Variants in POLR1A observed in about 807,000 individuals in gnomAD.
POLR1A encodes RNA polymerase I subunit A.
Under a neutral mutation model 205.3 loss-of-function variants are expected in POLR1A, and 84 were observed. The observed-to-expected ratio is 0.41, with a 90% CI of 0.34 to 0.49. The LOEUF (loss-of-function observed/expected upper bound fraction) is 0.49. Ranked by LOEUF, POLR1A falls within the 20% of genes least tolerant of loss-of-function variation. POLR1A has a pLI of 0.22. For missense variants in POLR1A, 1,645 were observed against 2,204.5 expected (o/e 0.75, Z 5.08); for synonymous variants, 799 against 863.7 (o/e 0.93, Z 1.31).
chr2:86,098,134 T>C (rs973026704), intron 3 of POLR1A, among the ~76,000 whole-genome samples: 1 of 152,236 alleles, frequency 6.6e-6, no homozygotes, highest in Admixed American at 6.5e-5. Flanking sequence ...CAAAGTACCC[T>C]GTATCATGTA....
intron 30 of POLR1A, among the ~76,000 whole-genome samples, chr2:86,031,104 G>T (rs142454055): frequency 0.01 from 1,581 of 152,272 alleles, 30 homozygotes; most frequent in African/African-American, 0.036. Flanking sequence ...CGGGGCAGAG[G>T]GTTTATAGCC....
At chr2:86,064,641 C>T (rs1188107797) in intron 14 of POLR1A, among the ~76,000 whole-genome samples, 1 of 152,158 alleles carries the variant, frequency 6.6e-6, no homozygotes, top group Non-Finnish European at 1.5e-5. Flanking sequence ...ACATATGGAA[C>T]TTCCCAACAA....
intron 3 of POLR1A, among the ~76,000 whole-genome samples, chr2:86,093,979 C>T (rs1673656449): frequency 6.6e-6 from 1 of 152,146 alleles, no homozygotes; most frequent in African/African-American, 2.4e-5. Flanking sequence ...TAGAATATCC[C>T]TCGATTGCGG....
intron 30 of POLR1A, among the ~76,000 whole-genome samples, chr2:86,030,701 A>C (rs1672370236): frequency 6.6e-6 from 1 of 152,186 alleles, no homozygotes; most frequent in Non-Finnish European, 1.5e-5. Context: ...GGCAGGGTAC[A>C]CGTTGTTTCA....
chr2:86,049,258 G>T lies in POLR1A; in HGVS notation c.2393-16C>A. 6.2e-7 allele frequency: 1 copy of T among 1,604,852 alleles called. No individual in the cohort carries two copies. Among genetic ancestry groups the T allele is most frequent in the Non-Finnish European group, 8.5e-7 (1 of 1,171,710 alleles). On this transcript the variant is annotated splice_polypyrimidine_tract_variant and intron_variant, in intron 16 of 33. Coordinates refer to ENST00000263857, the MANE Select transcript of POLR1A (RefSeq NM_015425.6). ...TCTTCCACGCCTGTGAAGTGAAACA[G>T]ACAAGCTTGTAGGCGACCTCAGGCC...
Position 86,098,691 on chromosome 2 carries a change from G to A in POLR1A, c.352C>T (p.His118Tyr). 1 of 1,613,910 alleles carries A rather than the reference G, an allele frequency of 6.2e-7. No homozygotes were observed. The highest frequency in any genetic ancestry group is 8.5e-7 in the Non-Finnish European group (1 of 1,179,952). ...ACCCTCAGCTGGCAGAGTAAGAGGT[G>A]AATCACGGCCCGGGGACAAGTCAGC... Reference protein sequence around the residue: ...HMLTCPRAVIHLLLCQLRVLE... With the variant: ...HMLTCPRAVIYLLLCQLRVLE... The change falls in exon 3 of 34, where the codon CAC (histidine) becomes TAC (tyrosine). Residue 118 changes from histidine (H) to tyrosine (Y), a missense_variant. Around this residue, in one of 16 missense-constraint regions of POLR1A, gnomAD observed 330 missense variants for 375.6 expected, o/e 0.88. Coordinates refer to ENST00000263857, the MANE Select transcript of POLR1A (RefSeq NM_015425.6).
intron 33 of POLR1A, 32 bp downstream of exon 33, chr2:86,027,853 G>C (rs753780620): frequency 1.2e-6 from 2 of 1,612,522 alleles, no homozygotes; most frequent in Non-Finnish European, 1.7e-6. Context: ...CGTCAGTAGA[G>C]GGGAGGCCAG....
intron 3 of POLR1A, among the ~76,000 whole-genome samples, chr2:86,097,238 A>AAAAAAAAAAAAAC (rs1673721782): frequency 1.3e-5 from 2 of 148,736 alleles, no homozygotes; most frequent in Non-Finnish European, 1.5e-5. Context: ...AAAAAAAAAA[A>AAAAAAAAAAAAAC]AAAAGCAAAT....
chr2:86,069,193 C>T (rs1423305198), intron 13 of POLR1A, among the ~76,000 whole-genome samples: 2 of 152,240 alleles, frequency 1.3e-5, no homozygotes, highest in South Asian at 2.1e-4. Context: ...CTTGGTTTGA[C>T]GTTACGATTA....
chr2:86,090,467 A>C (rs1462989680), intron 3 of POLR1A, among the ~76,000 whole-genome samples: 1 of 152,152 alleles, frequency 6.6e-6, no homozygotes, highest in Non-Finnish European at 1.5e-5. Context: ...ACCAAACCTA[A>C]GACTGCAAAG....
In POLR1A at chr2:86,047,245, G is replaced by A; in HGVS notation, c.2653C>T (p.Leu885=). The stretch of plus-strand genomic sequence containing the variant: ...CTGTTCTCTGGGAACTGTCTGTGTA[G>A]GCCAAAAGGCATGCATGCCTGCAGA... The part of the protein sequence containing the change: ...EINKACMPFG[L]HRQFPENSLQ... The change falls in exon 19 of 34, where the codon CTA becomes TTA. Residue 885 remains leucine (L), a synonymous_variant. Coordinates refer to ENST00000263857, the MANE Select transcript of POLR1A (RefSeq NM_015425.6). 6.2e-7 allele frequency: 1 copy of A among 1,613,602 alleles called. No homozygotes were observed. Among genetic ancestry groups the A allele is most frequent in the Non-Finnish European group, 8.5e-7 (1 of 1,179,580 alleles).
chr2:86,103,008 C>T (rs1037452157), intron 1 of POLR1A, among the ~76,000 whole-genome samples: 12 of 152,340 alleles, frequency 7.9e-5, no homozygotes, highest in Admixed American at 5.2e-4. Flanking sequence ...ACCCAGAGTG[C>T]TCACTGTGTG....
At chr2:86,041,802 T>G in intron 24 of POLR1A, 87 bp downstream of exon 24, 1 of 1,177,818 alleles carries the variant, frequency 8.5e-7, no homozygotes, top group East Asian at 2.3e-5. Flanking sequence ...GCAGCCCTCT[T>G]CCGGAGTGAG....
intron 31 of POLR1A, 44 bp downstream of exon 31, chr2:86,030,152 G>A (rs1573800111): frequency 8.7e-6 from 13 of 1,502,088 alleles, no homozygotes; most frequent in Non-Finnish European, 1.2e-5. Flanking sequence ...AACGTGGGGT[G>A]AGGACTAATG....
At chr2:86,094,926 T>C (rs375729279) in intron 3 of POLR1A, among the ~76,000 whole-genome samples, 17 of 152,320 alleles carry the variant, frequency 1.1e-4, no homozygotes, top group South Asian at 6.2e-4. Context: ...CTTATCATAT[T>C]TGGGCTCATA....
chr2:86,041,173 G>T (rs112077371), intron 24 of POLR1A, among the ~76,000 whole-genome samples: 1 of 98,336 alleles, frequency 1.0e-5, no homozygotes, highest in African/African-American at 3.9e-5. Context: ...GTGTGTGTGT[G>T]TGTGTGTGTG....
At chr2:86,057,814 C>T (rs528391221) in intron 14 of POLR1A, among the ~76,000 whole-genome samples, 2 of 152,322 alleles carry the variant, frequency 1.3e-5, no homozygotes, top group South Asian at 2.1e-4. Context: ...GGACTGACTG[C>T]TGTACCTATT....
rs747026297 is a variant in POLR1A, at chr2:86,028,514, G to C, written c.4897+80C>G. 9 of 990,224 alleles carry C rather than the reference G, an allele frequency of 9.1e-6. No homozygotes were observed. In the East Asian group the frequency reaches 1.9e-4, roughly 21 times the overall value. 61.3% of individuals were successfully genotyped at this position (990,224 alleles called of 1,614,324 possible). A position where few individuals can be genotyped will look rare whatever the true frequency, so the allele number is the denominator to read the frequency against. On this transcript the variant is annotated intron_variant, in intron 32 of 33. Coordinates refer to ENST00000263857, the MANE Select transcript of POLR1A (RefSeq NM_015425.6). The surrounding 1 kb of genome is among the most constrained non-coding windows in gnomAD (Gnocchi z 4.5). ...GACTGACTCGGTGCTGGACCGACAC[G>C]GTCCTGACCCTCCTGCCGAGCCTTC... is the stretch of plus-strand genomic sequence containing the variant.
chr2:86,066,800 A>G (rs926559989), intron 13 of POLR1A, among the ~76,000 whole-genome samples: 1 of 152,230 alleles, frequency 6.6e-6, no homozygotes, highest in Admixed American at 6.5e-5. Context: ...TGGGCTGGAA[A>G]GGTGGCACAG....
Sources: allele counts gnomAD v4.1 joint callset (sites outside exome capture counted in the v4.1 genomes callset), GRCh38; gene constraint gnomAD v4.1.1; regional missense constraint gnomAD v4.1.1; non-coding constraint Gnocchi (gnomAD v3.1); transcripts MANE v1.5; gene names NCBI Gene and HGNC (gene_info 2026-07-23, HGNC 2026-07-21).